EPM2A: variants seen among roughly 807,000 people sequenced by gnomAD.
The protein encoded by EPM2A is laforin.
Under a neutral mutation model 26.5 loss-of-function variants are expected in EPM2A, and 21 were observed. That is an observed-to-expected ratio of 0.79 (90% CI 0.56 to 1.14). EPM2A has a LOEUF of 1.14. EPM2A is among the 50% of genes most tolerant of loss of function. The pLI is 0.00. For synonymous variants in EPM2A, 217 were observed against 177.6 expected (o/e 1.22, Z -1.76); for missense variants, 458 against 440.8 (o/e 1.04, Z -0.35).
intron 2 of EPM2A, among the ~76,000 whole-genome samples, chr6:145,660,911 A>G (rs1175064764): frequency 1.3e-5 from 2 of 152,220 alleles, no homozygotes; most frequent in Non-Finnish European, 2.9e-5. Flanking sequence ...AACGTTTTAA[A>G]TATGTGTTTA....
intron 4 of EPM2A, among the ~76,000 whole-genome samples, chr6:145,482,327 T>C (rs1779619653): frequency 1.3e-5 from 2 of 152,114 alleles, no homozygotes. Context: ...TAGTTTGCAA[T>C]GAAGTAAAAA....
chr6:145,519,553 G>A (rs1173969252), intron 2 of EPM2A, among the ~76,000 whole-genome samples: 2 of 152,118 alleles, frequency 1.3e-5, no homozygotes, highest in Non-Finnish European at 2.9e-5. Flanking sequence ...AATTAGAAAT[G>A]TTTTGAAGAC....
At chr6:145,455,313 C>T (rs62439569) in intron 4 of EPM2A, among the ~76,000 whole-genome samples, 1 of 151,580 alleles carries the variant, frequency 6.6e-6, no homozygotes, top group Non-Finnish European at 1.5e-5. Context: ...AAAAAAACAA[C>T]TACTTATATG....
chr6:145,662,999 A>G (rs1363132302), intron 2 of EPM2A, among the ~76,000 whole-genome samples: 1 of 152,086 alleles, frequency 6.6e-6, no homozygotes, highest in Non-Finnish European at 1.5e-5. Flanking sequence ...TAATGCAACT[A>G]TGGGTCTGAG....
intron 2 of EPM2A, chr6:145,637,090 TG>T (rs1238006377): frequency 6.6e-6 from 1 of 152,218 alleles, no homozygotes; most frequent in Admixed American, 6.5e-5. Flanking sequence ...ATACAATTAA[TG>T]TACCTGAATT....
intron 2 of EPM2A, among the ~76,000 whole-genome samples, chr6:145,545,621 A>G (rs151000043): frequency 6.6e-6 from 1 of 152,238 alleles, no homozygotes; most frequent in Non-Finnish European, 1.5e-5. Context: ...TTAAGTAAAT[A>G]AATCTAAATA....
At chr6:145,445,688 T>C (rs1333967705) in intron 4 of EPM2A, among the ~76,000 whole-genome samples, 1 of 152,158 alleles carries the variant, frequency 6.6e-6, no homozygotes, top group Non-Finnish European at 1.5e-5. Flanking sequence ...TTTGTTTTTT[T>C]GGAGAAGTGA....
intron 2 of EPM2A, among the ~76,000 whole-genome samples, chr6:145,569,226 C>A (rs538763922): frequency 6.6e-6 from 1 of 152,104 alleles, no homozygotes; most frequent in Non-Finnish European, 1.5e-5. Flanking sequence ...GTTAAGCAGC[C>A]GTGAATTTTG....
chr6:145,391,759 C>A (rs1174409853), intron 4 of EPM2A, among the ~76,000 whole-genome samples: 2 of 152,084 alleles, frequency 1.3e-5, no homozygotes, highest in Non-Finnish European at 2.9e-5. Context: ...TGCATGAGCC[C>A]ATTGACAGCT....
At chr6:145,505,533 ATATTATTCAGTAATAT>A (rs990600927) in intron 2 of EPM2A, among the ~76,000 whole-genome samples, 2 of 46,002 alleles carry the variant, frequency 4.3e-5, no homozygotes, top group African/African-American at 1.4e-4. Context: ...GATGTTAACA[ATATTATTCAGTAATAT>A]TATCAAATCT....
chr6:145,561,646 C>G (rs1319614774), intron 2 of EPM2A, among the ~76,000 whole-genome samples: 1 of 152,076 alleles, frequency 6.6e-6, no homozygotes, highest in Non-Finnish European at 1.5e-5. Context: ...TTCTGTGACA[C>G]GTATCTTCTC....
chr6:145,401,051 A>C (rs1582726260), intron 4 of EPM2A, among the ~76,000 whole-genome samples: 1 of 152,324 alleles, frequency 6.6e-6, no homozygotes, highest in East Asian at 1.9e-4. Context: ...ATAATTGAAT[A>C]AAGTTCTTAA....
intron 1 of EPM2A, among the ~76,000 whole-genome samples, chr6:145,699,319 C>T (rs569709877): frequency 5.3e-5 from 8 of 152,136 alleles, no homozygotes; most frequent in Non-Finnish European, 1.0e-4. Context: ...CAAAGGATTG[C>T]AAATAGGCCT....
chr6:145,384,941 A>T (rs1259402613), intron 4 of EPM2A, among the ~76,000 whole-genome samples: 2 of 147,956 alleles, frequency 1.4e-5, no homozygotes, highest in Non-Finnish European at 3.0e-5. Context: ...TCTCCATAAG[A>T]ACATAAATCT....
chr6:145,664,455 G>C (rs370662215), intron 2 of EPM2A, among the ~76,000 whole-genome samples: 1 of 133,912 alleles, frequency 7.5e-6, no homozygotes, highest in Non-Finnish European at 1.6e-5. Context: ...TTCAACAAGA[G>C]GAGCTAACTA....
intron 2 of EPM2A, among the ~76,000 whole-genome samples, chr6:145,664,749 C>T (rs907829287): frequency 1.3e-5 from 2 of 151,976 alleles, no homozygotes; most frequent in African/African-American, 4.8e-5. Flanking sequence ...CCAAAATTGA[C>T]CACATACTTG....
chr6:145,555,832 CCTT>C (rs1449802276), intron 2 of EPM2A, among the ~76,000 whole-genome samples: 1 of 152,128 alleles, frequency 6.6e-6, no homozygotes, highest in Non-Finnish European at 1.5e-5. Context: ...ACTCCCCCCA[CCTT>C]CTGATTTTAG....
At chr6:145,473,875 A>AT (rs148738961) in intron 4 of EPM2A, among the ~76,000 whole-genome samples, 10,716 of 152,174 alleles carry the variant, frequency 0.07, 1,103 homozygotes, top group African/African-American at 0.22. Context: ...AAGCTGAAGG[A>AT]TTTTATCAAT....
intron 1 of EPM2A, among the ~76,000 whole-genome samples, chr6:145,726,166 C>A (rs1776194841): frequency 6.6e-6 from 1 of 151,920 alleles, no homozygotes; most frequent in African/African-American, 2.4e-5. Context: ...AAATCACACA[C>A]ACAAAGATGG....
Sources: allele counts gnomAD v4.1 joint callset (sites outside exome capture counted in the v4.1 genomes callset), GRCh38; gene constraint gnomAD v4.1.1; transcripts MANE v1.5; gene names NCBI Gene and HGNC (gene_info 2026-07-23, HGNC 2026-07-21).